Variants in CHST9 observed in about 807,000 individuals in gnomAD.
CHST9 encodes the protein carbohydrate sulfotransferase 9, also known as GalNAc-4-sulfotransferase 2.
Under a neutral mutation model 44.4 loss-of-function variants are expected in CHST9, and 41 were observed. The ratio of observed to expected loss-of-function variants is 0.92; its 90% confidence interval spans 0.72 to 1.20. The LOEUF is 1.20. Among genes scored for constraint, CHST9 ranks in the 50% most tolerant of loss-of-function variants. CHST9 has a pLI of 0.00. For synonymous variants in CHST9, 171 were observed against 178.4 expected (o/e 0.96, Z 0.33); for missense variants, 504 against 516.5 (o/e 0.98, Z 0.23).
intron 2 of CHST9, among the ~76,000 whole-genome samples, chr18:27,071,561 CAAA>C (rs1316543103): frequency 1.3e-5 from 2 of 152,168 alleles, no homozygotes; most frequent in Non-Finnish European, 2.9e-5. Context: ...ATATTTCACT[CAAA>C]GAAGGTGCTC....
chr18:27,012,372 A>G (rs2057095620), intron 4 of CHST9, among the ~76,000 whole-genome samples: 1 of 152,242 alleles, frequency 6.6e-6, no homozygotes, highest in Non-Finnish European at 1.5e-5. Flanking sequence ...GCTAGAGAAA[A>G]GAAAATATTT....
At chr18:27,077,350 C>T (rs777402549) in intron 2 of CHST9, among the ~76,000 whole-genome samples, 2 of 152,104 alleles carry the variant, frequency 1.3e-5, no homozygotes, top group East Asian at 3.9e-4. Context: ...AATGTTTAGA[C>T]TTTAATATAC....
At chr18:27,163,796 C>T (rs965169231) in intron 1 of CHST9, among the ~76,000 whole-genome samples, 17 of 152,222 alleles carry the variant, frequency 1.1e-4, no homozygotes, top group East Asian at 1.9e-4. Context: ...CTTCGGCTCA[C>T]GCTCAGTGCA....
intron 4 of CHST9, among the ~76,000 whole-genome samples, chr18:27,008,700 CCT>C (rs143320447): frequency 0.11 from 16,870 of 151,978 alleles, 1,159 homozygotes; most frequent in East Asian, 0.32. Flanking sequence ...AACTGCTCCC[CCT>C]GTCCTCTTGT....
Position 26,915,885 on chromosome 18 carries a change from G to A in CHST9, c.*374C>T, listed in dbSNP as rs2055510304. On this transcript the variant is annotated 3_prime_UTR_variant, in exon 6 of 6. Coordinates refer to ENST00000618847, the MANE Select transcript of CHST9 (RefSeq NM_031422.6). ...CACAGACTGCTAAAAATATATTCATGCATTTTAGACAATAAATTTCAGGAT... is the reference window on the plus strand; with the variant it reads ...CACAGACTGCTAAAAATATATTCATACATTTTAGACAATAAATTTCAGGAT... The A allele has an allele frequency of 6.2e-6, 1 of 160,570 alleles. No homozygotes were observed. Among genetic ancestry groups the A allele is most frequent in the South Asian group, 1.8e-4 (1 of 5,422 alleles). The allele number at this position is 160,570 out of a possible 1,614,324, so 9.9% of individuals were successfully genotyped here.
intron 5 of CHST9, among the ~76,000 whole-genome samples, chr18:26,928,700 A>G (rs2055821863): frequency 6.6e-6 from 1 of 152,206 alleles, no homozygotes; most frequent in African/African-American, 2.4e-5. Context: ...AGCCCTCAGA[A>G]CAAATGTAGA....
At chr18:27,183,981 T>C (rs1308599135) in intron 1 of CHST9, among the ~76,000 whole-genome samples, 3 of 152,150 alleles carry the variant, frequency 2.0e-5, no homozygotes, top group Non-Finnish European at 2.9e-5. Context: ...AAGAGGCCCC[T>C]GTCCTTCAAA....
rs116048001 is a variant in CHST9 at position 27,143,193 on chromosome 18, G to A, written c.-96-288C>T. On this transcript the variant is annotated intron_variant, in intron 1 of 5. Coordinates refer to ENST00000618847, the MANE Select transcript of CHST9 (RefSeq NM_031422.6). ...TCCTGTATTGTAAAGTGTAAAGTAA[G>A]GTTTGGGATACCTTAAAATAATTGC... 7.5e-3 allele frequency among the ~76,000 whole-genome samples: 1,142 copies of A among 152,234 alleles called. 15 individuals are homozygous for A. The highest frequency in any genetic ancestry group is 0.026 in the African/African-American group (1,066 of 41,524).
At chr18:27,050,646 G>A (rs964983270) in intron 2 of CHST9, among the ~76,000 whole-genome samples, 1 of 152,148 alleles carries the variant, frequency 6.6e-6, no homozygotes, top group East Asian at 1.9e-4. Flanking sequence ...ATTTCCAGAG[G>A]ACTTGTTTGA....
intron 2 of CHST9, among the ~76,000 whole-genome samples, chr18:27,085,594 G>A (rs1201045705): frequency 2.0e-5 from 3 of 152,026 alleles, no homozygotes; most frequent in African/African-American, 7.2e-5. Context: ...AGCCAGAATA[G>A]CTATTACCAA....
chr18:27,161,496 TC>T (rs2058746587), intron 1 of CHST9, among the ~76,000 whole-genome samples: 1 of 152,220 alleles, frequency 6.6e-6, no homozygotes, highest in Non-Finnish European at 1.5e-5. Context: ...TAATTTCTAT[TC>T]TTTTACATTT....
intron 4 of CHST9, among the ~76,000 whole-genome samples, chr18:27,000,658 C>CTATCTATCTATCTA (rs1350579118): frequency 1.3e-5 from 1 of 74,528 alleles, no homozygotes; most frequent in African/African-American, 8.1e-5. Context: ...CTATCTATCT[C>CTATCTATCTATCTA]TCTATCTATC....
At chr18:27,027,004 T>G (rs919379835) in intron 3 of CHST9, among the ~76,000 whole-genome samples, 1 of 152,220 alleles carries the variant, frequency 6.6e-6, no homozygotes, top group African/African-American at 2.4e-5. Flanking sequence ...GTCTAGAGCT[T>G]TGATGAAAAT....
intron 4 of CHST9, among the ~76,000 whole-genome samples, chr18:27,017,911 T>C (rs553070281): frequency 6.6e-6 from 1 of 152,368 alleles, no homozygotes; most frequent in African/African-American, 2.4e-5. Context: ...TTGTATTTTA[T>C]AAATTTATCA....
Position 26,908,947 on chromosome 18 carries a change from A to G in CHST9, c.*7312T>C, listed in dbSNP as rs550495406. The G allele has an allele frequency of 2.0e-4, 31 of 152,340 alleles. No homozygotes were observed. The highest frequency in any genetic ancestry group is 7.5e-4 in the African/African-American group (31 of 41,580). 9.4% of individuals were successfully genotyped at this position (152,340 alleles called of 1,614,324 possible). A position where few individuals can be genotyped will look rare whatever the true frequency, so the allele number is the denominator to read the frequency against. On this transcript the variant is annotated 3_prime_UTR_variant, in exon 6 of 6. Transcript: ENST00000618847. Reference sequence around the variant, plus strand: ...TTTAGTTTTTATTGGAGAAACTCATATTGTCTTCACTTGTTCAATGTGAAG... The same window carrying G: ...TTTAGTTTTTATTGGAGAAACTCATGTTGTCTTCACTTGTTCAATGTGAAG...
intron 2 of CHST9, among the ~76,000 whole-genome samples, chr18:27,127,484 G>A (rs550519718): frequency 1.8e-4 from 27 of 152,284 alleles, no homozygotes; most frequent in South Asian, 1.0e-3. Context: ...AGGACCAGTG[G>A]TTGATAGGGG....
At position 26,944,415 on chromosome 18, in the gene CHST9, T is replaced by A. The variant is rs764202343; in HGVS notation, c.203-49A>T. On this transcript the variant is annotated intron_variant, in intron 4 of 5. Coordinates refer to ENST00000618847, the MANE Select transcript of CHST9 (RefSeq NM_031422.6). The stretch of plus-strand genomic sequence containing the variant: ...TTTTACATTAAAGCATGAAAATGAA[T>A]AAAATGCGGTACTGATGCTGCTCTG... The A allele has an allele frequency of 1.1e-5, 14 of 1,304,442 alleles. No individual in the cohort carries two copies. The Admixed American group carries it at 1.3e-4, about 13-fold the overall frequency. The allele number at this position is 1,304,442 out of a possible 1,614,324, so 80.8% of individuals were successfully genotyped here. A position where few individuals can be genotyped will look rare whatever the true frequency, so the allele number is the denominator to read the frequency against.
chr18:27,153,512 GTCTC>G (rs962805467), intron 1 of CHST9, among the ~76,000 whole-genome samples: 22 of 148,590 alleles, frequency 1.5e-4, no homozygotes, highest in African/African-American at 2.0e-4. Context: ...CTCTGTCTCT[GTCTC>G]TCTCTGTCTT....
chr18:27,059,353 A>G (rs772219072), intron 2 of CHST9, among the ~76,000 whole-genome samples: 4 of 152,242 alleles, frequency 2.6e-5, no homozygotes, highest in Non-Finnish European at 5.9e-5. Flanking sequence ...TGAAACACTC[A>G]AAAGATTCAA....
Sources: gnomAD v4.1 joint callset for allele counts (sites outside exome capture counted in the v4.1 genomes callset) on GRCh38, gnomAD v4.1.1 for gene constraint, MANE v1.5 for transcripts, NCBI Gene and HGNC (gene_info 2026-07-23, HGNC 2026-07-21) for gene names.